Variants in CFAP61 observed in about 807,000 individuals in gnomAD.
CFAP61 encodes cilia and flagella associated protein 61.
CFAP61 carries 107 observed loss-of-function variants against 135.6 expected under a neutral mutation model. The observed-to-expected ratio is 0.79, with a 90% CI of 0.67 to 0.93. CFAP61 has a LOEUF of 0.93. Among genes scored for constraint, CFAP61 ranks in the 40% least tolerant of loss-of-function variants. CFAP61 has a pLI of 0.00. For synonymous variants in CFAP61, 575 were observed against 578.5 expected (o/e 0.99, Z 0.09); for missense variants, 1,507 against 1,556.2 (o/e 0.97, Z 0.53).
At chr20:20,356,576 G>A (rs2059184863) in intron 26 of CFAP61, among the ~76,000 whole-genome samples, 1 of 90,838 alleles carries the variant, frequency 1.1e-5, no homozygotes, top group Non-Finnish European at 2.3e-5. Flanking sequence ...ATAGTGTGAG[G>A]GGAGGTGGTC....
chr20:20,345,269 T>C (rs949458050), intron 26 of CFAP61, among the ~76,000 whole-genome samples: 2 of 152,226 alleles, frequency 1.3e-5, no homozygotes, highest in Admixed American at 6.5e-5. Flanking sequence ...GGAATATTTC[T>C]AACACAAAAA....
At chr20:20,318,343 ATTCAT>A (rs2057257711) in intron 25 of CFAP61, among the ~76,000 whole-genome samples, 1 of 152,248 alleles carries the variant, frequency 6.6e-6, no homozygotes, top group African/African-American at 2.4e-5. Context: ...TAAAAAAATC[ATTCAT>A]TTCAAGAGGT....
At chr20:20,226,443 G>A (rs2048740651) in intron 17 of CFAP61, among the ~76,000 whole-genome samples, 1 of 152,202 alleles carries the variant, frequency 6.6e-6, no homozygotes, top group Non-Finnish European at 1.5e-5. Flanking sequence ...GCATGAGCCA[G>A]AATAAGTGAC....
chr20:20,259,100 T>A (rs2208167), intron 20 of CFAP61, among the ~76,000 whole-genome samples: 81,694 of 151,972 alleles, frequency 0.54, 22,149 homozygotes, highest in East Asian at 0.7. Flanking sequence ...TCTAGAGCTT[T>A]GTATTTACAG....
intron 7 of CFAP61, among the ~76,000 whole-genome samples, chr20:20,097,299 T>C (rs2047655684): frequency 6.6e-6 from 1 of 152,304 alleles, no homozygotes. Flanking sequence ...ACTTGAGAGA[T>C]AGGACCCAGT....
chr20:20,070,835 A>G lies in CFAP61; in HGVS notation c.144-19A>G, dbSNP rs756189001. 1.2e-6 allele frequency: 2 copies of G among 1,605,262 alleles called. No individual in the cohort carries two copies. The highest frequency in any genetic ancestry group is 3.4e-5 in the Admixed American group (2 of 58,366). On this transcript the variant is annotated intron_variant, in intron 2 of 26. Transcript: ENST00000245957. Reference sequence around the variant, plus strand: ...TTTTGTAATCTTATTCATGTTTGCAATTGTAATCATTTCTGCAGAGAAAAG... The same window carrying G: ...TTTTGTAATCTTATTCATGTTTGCAGTTGTAATCATTTCTGCAGAGAAAAG...
intron 21 of CFAP61, among the ~76,000 whole-genome samples, chr20:20,269,079 A>G (rs1288529449): frequency 6.7e-6 from 1 of 148,240 alleles, no homozygotes; most frequent in African/African-American, 2.5e-5. Context: ...TTTGGCTTCT[A>G]AAAAGTAAAA....
intron 8 of CFAP61, among the ~76,000 whole-genome samples, chr20:20,122,112 C>T (rs2049693443): frequency 6.6e-6 from 1 of 151,180 alleles, no homozygotes; most frequent in African/African-American, 2.4e-5. Context: ...TCCCAGCTTT[C>T]CCCCCAAGTC....
At chr20:20,183,242 C>T (rs2055252134) in intron 13 of CFAP61, among the ~76,000 whole-genome samples, 1 of 151,866 alleles carries the variant, frequency 6.6e-6, no homozygotes, top group Admixed American at 6.6e-5. Flanking sequence ...GCAACCTCTG[C>T]CTCCTGGGTT....
chr20:20,280,154 C>A (rs1223338876), intron 22 of CFAP61, among the ~76,000 whole-genome samples: 2 of 152,204 alleles, frequency 1.3e-5, no homozygotes, highest in East Asian at 1.9e-4. Context: ...TCAAGGTTGG[C>A]CCTAAATCCA....
At chr20:20,087,999 C>T (rs952671116) in intron 6 of CFAP61, among the ~76,000 whole-genome samples, 2 of 152,012 alleles carry the variant, frequency 1.3e-5, no homozygotes, top group African/African-American at 4.8e-5. Context: ...GACAAGTGGT[C>T]AAGGCCCTAC....
intron 8 of CFAP61, 93 bp from the exon 9 acceptor site, chr20:20,142,764 T>C: frequency 1.3e-6 from 1 of 744,198 alleles, no homozygotes. Flanking sequence ...TCCATTGTAG[T>C]CTAAAACCAT....
chr20:20,324,999 T>A (rs2057690185), intron 25 of CFAP61, among the ~76,000 whole-genome samples: 1 of 152,180 alleles, frequency 6.6e-6, no homozygotes, highest in Admixed American at 6.5e-5. Context: ...TAATAGACAT[T>A]TTTAGGGCAG....
At position 20,136,651 on chromosome 20, in the gene CFAP61, C is replaced by T. The variant is rs377346967; in HGVS notation, c.860-6206C>T. Among the ~76,000 whole-genome samples, 4 of 152,334 alleles carry T rather than the reference C, an allele frequency of 2.6e-5. 1 individual carries two copies. The highest frequency in any genetic ancestry group is 7.2e-5 in the African/African-American group (3 of 41,570). Reference sequence around the variant, plus strand: ...GATTCGAATTCCTTCTCCATGCTATCTAGAATTTCTTTGAGTTTTCCTCAA... The same window carrying T: ...GATTCGAATTCCTTCTCCATGCTATTTAGAATTTCTTTGAGTTTTCCTCAA... On this transcript the variant is annotated intron_variant, in intron 8 of 26. Coordinates refer to ENST00000245957, the MANE Select transcript of CFAP61 (RefSeq NM_015585.4).
intron 18 of CFAP61, among the ~76,000 whole-genome samples, chr20:20,242,236 T>C (rs1339770182): frequency 2.0e-5 from 3 of 152,224 alleles, no homozygotes; most frequent in Non-Finnish European, 2.9e-5. Flanking sequence ...GGCTTCTTTT[T>C]TGGCATTTGG....
chr20:20,360,514 C>T lies in CFAP61; in HGVS notation c.*104C>T, dbSNP rs2059432597. The stretch of plus-strand genomic sequence containing the variant: ...CTGCAGCCTGGTTTGACAGCGAAGC[C>T]AGCCCCTGGTGGTTTTGTTCATTCC... On this transcript the variant is annotated 3_prime_UTR_variant, in exon 27 of 27. Transcript: ENST00000245957. 6.6e-6 allele frequency: 7 copies of T among 1,053,578 alleles called. No homozygotes were observed. The highest frequency in any genetic ancestry group is 9.9e-6 in the Non-Finnish European group (7 of 710,044). The allele number at this position is 1,053,578 out of a possible 1,614,324, so 65.3% of individuals were successfully genotyped here.
chr20:20,083,526 CTTTAAGA>C (rs748044172), intron 6 of CFAP61, among the ~76,000 whole-genome samples: 7 of 152,182 alleles, frequency 4.6e-5, no homozygotes, highest in Non-Finnish European at 1.0e-4. Context: ...AAAAAACATT[CTTTAAGA>C]TTTAAGATGG....
intron 26 of CFAP61, among the ~76,000 whole-genome samples, chr20:20,353,418 T>C (rs2058923717): frequency 1.3e-5 from 2 of 152,302 alleles, no homozygotes; most frequent in Admixed American, 1.3e-4. Context: ...TACCCTGAGC[T>C]GCCGGGATAG....
intron 3 of CFAP61, among the ~76,000 whole-genome samples, chr20:20,073,325 T>A (rs1446484659): frequency 6.6e-6 from 1 of 152,252 alleles, no homozygotes; most frequent in Non-Finnish European, 1.5e-5. Flanking sequence ...TTCAAGCTCA[T>A]GAATCAAAAC....
Sources: allele counts gnomAD v4.1 joint callset (sites outside exome capture counted in the v4.1 genomes callset), GRCh38; gene constraint gnomAD v4.1.1; transcripts MANE v1.5; gene names NCBI Gene and HGNC (gene_info 2026-07-23, HGNC 2026-07-21).